The following MYT1 variants were observed in gnomAD, a reference collection of about 807,000 sequenced individuals.
MYT1 encodes the protein myelin transcription factor 1.
MYT1 carries 23 observed loss-of-function variants against 123.0 expected under a neutral mutation model. The ratio of observed to expected loss-of-function variants is 0.19; its 90% CI spans 0.13 to 0.26. The LOEUF (loss-of-function observed/expected upper bound fraction) is 0.26. Ranked by LOEUF, MYT1 falls within the 10% of genes least tolerant of loss-of-function variation. MYT1 has a pLI of 1.00. For synonymous variants in MYT1, 518 were observed against 575.3 expected (o/e 0.90, Z 1.43); for missense variants, 1,125 against 1,472.5 (o/e 0.76, Z 3.86).
At chr20:64,169,596 C>A (rs1422465699) in intron 1 of MYT1, among the ~76,000 whole-genome samples, 1 of 152,218 alleles carries the variant, frequency 6.6e-6, no homozygotes, top group African/African-American at 2.4e-5. Flanking sequence ...CCAGTTACTG[C>A]TGACTGAATA....
intron 4 of MYT1, among the ~76,000 whole-genome samples, chr20:64,204,067 G>A (rs1983404634): frequency 1.3e-5 from 2 of 152,216 alleles, no homozygotes; most frequent in South Asian, 4.1e-4. Flanking sequence ...TACAATGGCA[G>A]CTCCTTGTAG....
At chr20:64,209,854 A>T (rs1983613321) in intron 7 of MYT1, among the ~76,000 whole-genome samples, 1 of 152,206 alleles carries the variant, frequency 6.6e-6, no homozygotes, top group South Asian at 2.1e-4. Flanking sequence ...TCAGGGTGAG[A>T]TGGACCCAAA....
Position 64,241,558 on chromosome 20 carries a change from AT to A in MYT1, c.*1114del, listed in dbSNP as rs1382004023. On this transcript the variant is annotated 3_prime_UTR_variant, in exon 23 of 23. Coordinates refer to ENST00000328439, the MANE Select transcript of MYT1 (RefSeq NM_004535.3). The surrounding 1 kb of genome is among the most constrained non-coding windows in gnomAD (Gnocchi z 4.2). ...GTTTAATTATTCTGTAAATTATTTAATTTTGTCAAGATGTAAGTATTTATAT... is the reference window on the plus strand; with the variant it reads ...GTTTAATTATTCTGTAAATTATTTAATTTGTCAAGATGTAAGTATTTATAT... 6.6e-6 allele frequency: 1 copy of A among 152,600 alleles called. No individual in the cohort carries two copies. Among genetic ancestry groups the A allele is most frequent in the East Asian group, 1.9e-4 (1 of 5,202 alleles). 9.5% of individuals were successfully genotyped at this position (152,600 alleles called of 1,614,324 possible). A position where few individuals can be genotyped will look rare whatever the true frequency, so the allele number is the denominator to read the frequency against.
At chr20:64,223,427 C>T in intron 16 of MYT1, 68 bp downstream of exon 16, 2 of 1,558,198 alleles carry the variant, frequency 1.3e-6, no homozygotes, top group East Asian at 4.5e-5. Context: ...TTCCATGAGG[C>T]TCCTGCCAAA....
Position 64,221,906 on chromosome 20 carries a change from C to G in MYT1, c.2255C>G (p.Ala752Gly). 6.2e-7 allele frequency: 1 copy of G among 1,613,256 alleles called. No homozygotes were observed. Among genetic ancestry groups the G allele is most frequent in the Non-Finnish European group, 8.5e-7 (1 of 1,179,982 alleles). ...EEEPEESEPAAHSFASSEADD... is the reference protein window; with the variant it reads ...EEEPEESEPAGHSFASSEADD... Reference sequence around the variant, plus strand: ...GGTTTTTTGCAGTCAGAGCCAGCAGCCCATTCTTTTGCTTCTTCTGAAGCA... The same window carrying G: ...GGTTTTTTGCAGTCAGAGCCAGCAGGCCATTCTTTTGCTTCTTCTGAAGCA... Residue 752 changes from alanine to glycine, a missense_variant, in exon 14 of 23, where the codon GCC (alanine) becomes GGC (glycine). By Grantham distance (60) the Ala-to-Gly change is moderately conservative (BLOSUM62 0). Coordinates refer to ENST00000328439, the MANE Select transcript of MYT1 (RefSeq NM_004535.3).
At chr20:64,234,968 C>CCTGGGATGGCTGTGGTGGGTGACA (rs1984462653) in intron 19 of MYT1, among the ~76,000 whole-genome samples, 1 of 139,740 alleles carries the variant, frequency 7.2e-6, no homozygotes, top group Non-Finnish European at 1.5e-5. Context: ...GGTGGGTGAC[C>CCTGGGATGGCTGTGGTGGGTGACA]CTGGGATGGC....
Position 64,218,780 on chromosome 20 carries a change from C to G in MYT1, c.1847-131C>G. ...CCTCCCCACTGACTTGTCTGCATTGCTGCCTCTTTTCAAGTTGTATATCAG... is the reference window on the plus strand; with the variant it reads ...CCTCCCCACTGACTTGTCTGCATTGGTGCCTCTTTTCAAGTTGTATATCAG... On this transcript the variant is annotated intron_variant, in intron 11 of 22. Coordinates refer to ENST00000328439, the MANE Select transcript of MYT1 (RefSeq NM_004535.3). The surrounding 1 kb of genome is among the most constrained non-coding windows in gnomAD (Gnocchi z 4.0). 1 of 1,177,260 alleles carries G rather than the reference C, an allele frequency of 8.5e-7. No individual in the cohort carries two copies. The highest frequency in any genetic ancestry group is 1.2e-6 in the Non-Finnish European group (1 of 814,206). The allele number at this position is 1,177,260 out of a possible 1,614,324, so 72.9% of individuals were successfully genotyped here.
At chr20:64,205,179 C>A in intron 5 of MYT1, 82 bp downstream of exon 5, 1 of 1,490,534 alleles carries the variant, frequency 6.7e-7, no homozygotes, top group East Asian at 2.3e-5. Context: ...GAGAACTTTC[C>A]ATCTTTTTCC....
chr20:64,224,046 C>T (rs1237948062), intron 16 of MYT1, among the ~76,000 whole-genome samples: 1 of 152,210 alleles, frequency 6.6e-6, no homozygotes, highest in Non-Finnish European at 1.5e-5. Flanking sequence ...GGGTCAGTGT[C>T]CTCCTGGGGC....
intron 14 of MYT1, among the ~76,000 whole-genome samples, chr20:64,222,525 G>A (rs1050503668): frequency 2.6e-5 from 4 of 152,348 alleles, no homozygotes; most frequent in Admixed American, 1.3e-4. Flanking sequence ...GAGCTGGTCC[G>A]CATGGGGTTG....
chr20:64,181,194 T>C (rs1982643366), intron 1 of MYT1, among the ~76,000 whole-genome samples: 1 of 152,148 alleles, frequency 6.6e-6, no homozygotes, highest in Admixed American at 6.5e-5. Context: ...GTGCCGGGCT[T>C]GGTTGGATGT....
At position 64,196,991 on chromosome 20, in the gene MYT1, G is replaced by C. The variant is rs1983143734; in HGVS notation, c.1-1871G>C. Among the ~76,000 whole-genome samples, 1 of 152,230 alleles carries C rather than the reference G, an allele frequency of 6.6e-6. No individual in the cohort carries two copies. Among genetic ancestry groups the C allele is most frequent in the Non-Finnish European group, 1.5e-5 (1 of 68,044 alleles). ...TCGGAAGGCATTGCACACGGGCTCA[G>C]AGCAGACGACATTTGAAGGCTCATA... On this transcript the variant is annotated intron_variant, in intron 2 of 22. Coordinates refer to ENST00000328439, the MANE Select transcript of MYT1 (RefSeq NM_004535.3). This position sits in a 1 kb window ranked among gnomAD's most constrained non-coding sequence, Gnocchi z 4.3.
intron 4 of MYT1, 103 bp downstream of exon 4, chr20:64,200,025 C>T: frequency 7.4e-7 from 1 of 1,350,700 alleles, no homozygotes; most frequent in Non-Finnish European, 1.1e-6. Flanking sequence ...GACCAAACAC[C>T]CCTGGTGAGC....
intron 3 of MYT1, 84 bp downstream of exon 3, chr20:64,199,000 A>G: frequency 7.0e-7 from 1 of 1,423,062 alleles, no homozygotes; most frequent in African/African-American, 1.4e-5. Flanking sequence ...CCCTAACCAC[A>G]CATGTGCAGA....
At chr20:64,223,088 G>A in intron 14 of MYT1, 23 bp from the exon 15 acceptor site, 1 of 1,614,088 alleles carries the variant, frequency 6.2e-7, no homozygotes, top group Middle Eastern at 1.6e-4. Context: ...TCTCCGGTCT[G>A]ACACTCTTTT....
At position 64,207,598 on chromosome 20, in the gene MYT1, G is replaced by A. The variant is rs1983520196; in HGVS notation, c.402G>A (p.Arg134=). ...GTTGATTTTGATTTTGTGCAGGAAGGAGCCCCGTCAAGTCCCATTTTGGAT... is the reference window on the plus strand; with the variant it reads ...GTTGATTTTGATTTTGTGCAGGAAGAAGCCCCGTCAAGTCCCATTTTGGAT... ...EIHRPETAEG[R]SPVKSHFGSN... The change falls in exon 7 of 23, where the codon AGG becomes AGA. Residue 134 remains arginine (R), a synonymous_variant. Transcript: ENST00000328439. 6.2e-7 allele frequency: 1 copy of A among 1,612,152 alleles called. No individual in the cohort carries two copies. The highest frequency in any genetic ancestry group is 8.5e-7 in the Non-Finnish European group (1 of 1,178,946).
chr20:64,196,938 C>G lies in MYT1; in HGVS notation c.1-1924C>G, dbSNP rs1251702293. 6.6e-6 allele frequency among the ~76,000 whole-genome samples: 1 copy of G among 152,226 alleles called. No homozygotes were observed. Among genetic ancestry groups the G allele is most frequent in the Non-Finnish European group, 1.5e-5 (1 of 68,050 alleles). On this transcript the variant is annotated intron_variant, in intron 2 of 22. Transcript: ENST00000328439. The surrounding 1 kb of genome is among the most constrained non-coding windows in gnomAD (Gnocchi z 4.3). ...ATTGCATTTCAGCTGAGTGCAGGCACCGCACAAGTCCCATTGTACGTCCTG... is the reference window on the plus strand; with the variant it reads ...ATTGCATTTCAGCTGAGTGCAGGCAGCGCACAAGTCCCATTGTACGTCCTG...
chr20:64,237,281 G>C lies in MYT1; in HGVS notation c.2990-6G>C, dbSNP rs747742379. On this transcript the variant is annotated splice_polypyrimidine_tract_variant and splice_region_variant and intron_variant, in intron 20 of 22. Coordinates refer to ENST00000328439, the MANE Select transcript of MYT1 (RefSeq NM_004535.3). ...AAGCCACAACTGAGGTTTCTCTCTG[G>C]GTCAGTGTTGGAGAATGATGAGGAG... is the stretch of plus-strand genomic sequence containing the variant. 4 of 1,609,454 alleles carry C rather than the reference G, an allele frequency of 2.5e-6. No individual in the cohort carries two copies. In the South Asian group the frequency reaches 4.5e-5, roughly 18 times the overall value.
chr20:64,173,627 C>T (rs1227657023), intron 1 of MYT1, among the ~76,000 whole-genome samples: 2 of 150,280 alleles, frequency 1.3e-5, no homozygotes, highest in Non-Finnish European at 3.0e-5. Context: ...CCTGACTTCT[C>T]CTCCTGCAGC....
Sources: gnomAD v4.1 joint callset for allele counts (sites outside exome capture counted in the v4.1 genomes callset) on GRCh38, gnomAD v4.1.1 for gene constraint, Gnocchi (gnomAD v3.1) non-coding constraint, MANE v1.5 for transcripts, NCBI Gene and HGNC (gene_info 2026-07-23, HGNC 2026-07-21) for gene names.